The following GPATCH2 variants were observed in gnomAD, a reference collection of about 807,000 sequenced individuals.
GPATCH2 encodes the protein G-patch domain containing 2, also known as G patch domain-containing protein 2.
Under a neutral mutation model 58.0 loss-of-function variants are expected in GPATCH2, and 51 were observed. The ratio of observed to expected loss-of-function variants is 0.88; its 90% CI spans 0.70 to 1.11. The LOEUF is 1.11. GPATCH2 is among the 50% of genes most tolerant of loss of function. The pLI, the probability that GPATCH2 is intolerant of heterozygous loss-of-function variation, is 0.00. For missense variants in GPATCH2, 625 were observed against 652.2 expected (o/e 0.96, Z 0.45); for synonymous variants, 222 against 218.5 (o/e 1.02, Z -0.14).
At chr1:217,437,265 C>A (rs1000818965) in intron 9 of GPATCH2, among the ~76,000 whole-genome samples, 2 of 152,120 alleles carry the variant, frequency 1.3e-5, no homozygotes, top group Non-Finnish European at 2.9e-5. Flanking sequence ...CGGGTGCCTA[C>A]GCCACCAGGG....
chr1:217,610,651 G>A (rs1012205255), intron 4 of GPATCH2, among the ~76,000 whole-genome samples: 3 of 152,044 alleles, frequency 2.0e-5, no homozygotes, highest in African/African-American at 4.8e-5. Flanking sequence ...TCTTTTTTCC[G>A]AATTAACATT....
intron 5 of GPATCH2, among the ~76,000 whole-genome samples, chr1:217,561,763 T>G (rs1665936495): frequency 6.6e-6 from 1 of 152,128 alleles, no homozygotes; most frequent in Non-Finnish European, 1.5e-5. Context: ...CCTTGACAAG[T>G]GCAAGAAGTA....
intron 6 of GPATCH2, 50 bp from the exon 7 acceptor site, chr1:217,498,445 T>C (rs1425114596): frequency 2.9e-6 from 4 of 1,366,200 alleles, no homozygotes; most frequent in Non-Finnish European, 4.2e-6. Flanking sequence ...TAAAAGCACG[T>C]GCTCTCACAT....
intron 5 of GPATCH2, among the ~76,000 whole-genome samples, chr1:217,518,542 C>T (rs1663291255): frequency 6.6e-6 from 1 of 152,136 alleles, no homozygotes; most frequent in African/African-American, 2.4e-5. Flanking sequence ...GCATGCCATA[C>T]TATTCTTCCA....
intron 7 of GPATCH2, chr1:217,492,498 C>G (rs192436942): frequency 6.6e-6 from 1 of 152,026 alleles, no homozygotes; most frequent in Non-Finnish European, 1.5e-5. Flanking sequence ...TGGGCTAAAA[C>G]GAAGTTGTAC....
intron 5 of GPATCH2, among the ~76,000 whole-genome samples, chr1:217,557,770 C>A (rs144981451): frequency 5.8e-4 from 89 of 152,196 alleles, no homozygotes; most frequent in African/African-American, 2.1e-3. Flanking sequence ...TGTTCTGTTC[C>A]ACTTGTTTAT....
chr1:217,614,667 T>G (rs1417623543), intron 2 of GPATCH2, among the ~76,000 whole-genome samples: 6 of 151,504 alleles, frequency 4.0e-5, no homozygotes, highest in Non-Finnish European at 8.8e-5. Flanking sequence ...ACAAATATTC[T>G]GGAGAAGACA....
At chr1:217,561,794 C>T (rs886590495) in intron 5 of GPATCH2, among the ~76,000 whole-genome samples, 5 of 152,272 alleles carry the variant, frequency 3.3e-5, no homozygotes, top group African/African-American at 1.2e-4. Flanking sequence ...ATGGGGTACA[C>T]AGCTCACAGA....
intron 1 of GPATCH2, among the ~76,000 whole-genome samples, chr1:217,622,397 G>A (rs549213310): frequency 7.2e-4 from 109 of 152,166 alleles, no homozygotes; most frequent in Non-Finnish European, 1.0e-3. Flanking sequence ...TATTTCCATG[G>A]GCATTCTGAA....
intron 5 of GPATCH2, among the ~76,000 whole-genome samples, chr1:217,547,920 A>G (rs1419549588): frequency 2.0e-5 from 3 of 152,112 alleles, no homozygotes; most frequent in Non-Finnish European, 2.9e-5. Flanking sequence ...TGGTTGTCTG[A>G]AAGTGTGTGG....
At chr1:217,547,380 C>T (rs777634228) in intron 5 of GPATCH2, among the ~76,000 whole-genome samples, 6 of 151,872 alleles carry the variant, frequency 4.0e-5, no homozygotes, top group African/African-American at 9.7e-5. Context: ...TAACAGACGC[C>T]GGCAAGGTTG....
intron 5 of GPATCH2, among the ~76,000 whole-genome samples, chr1:217,543,120 C>A (rs536019123): frequency 6.6e-6 from 1 of 152,252 alleles, no homozygotes; most frequent in South Asian, 2.1e-4. Flanking sequence ...GAAGAAGAGA[C>A]AGATGCCTTA....
chr1:217,490,262 A>G (rs955278354), intron 8 of GPATCH2, among the ~76,000 whole-genome samples: 2 of 152,168 alleles, frequency 1.3e-5, no homozygotes, highest in East Asian at 3.9e-4. Context: ...ATTCCTTTGT[A>G]GATAATTTGC....
At chr1:217,615,381 C>T (rs1011789959) in intron 2 of GPATCH2, among the ~76,000 whole-genome samples, 11 of 152,036 alleles carry the variant, frequency 7.2e-5, no homozygotes, top group African/African-American at 2.7e-4. Context: ...GTACAAAGCT[C>T]CCTATATTGT....
At chr1:217,582,634 G>T (rs1450881954) in intron 5 of GPATCH2, among the ~76,000 whole-genome samples, 2 of 152,186 alleles carry the variant, frequency 1.3e-5, no homozygotes, top group Non-Finnish European at 1.5e-5. Flanking sequence ...ATGCTCAAAA[G>T]ATAATGCTTT....
chr1:217,432,203 A>G (rs1658574394), intron 9 of GPATCH2, among the ~76,000 whole-genome samples: 1 of 151,492 alleles, frequency 6.6e-6, no homozygotes. Flanking sequence ...GAAAAAGGAG[A>G]TTGGTTAGTG....
At chr1:217,461,580 T>A (rs1437529705) in intron 8 of GPATCH2, among the ~76,000 whole-genome samples, 2 of 152,210 alleles carry the variant, frequency 1.3e-5, no homozygotes, top group African/African-American at 2.4e-5. Context: ...AAGGCTTTTT[T>A]AAATTAGTAA....
intron 7 of GPATCH2, among the ~76,000 whole-genome samples, chr1:217,494,528 C>A (rs1005857850): frequency 1.3e-5 from 2 of 152,174 alleles, no homozygotes; most frequent in South Asian, 2.1e-4. Flanking sequence ...CACCTGAAGT[C>A]GGGAGTTCGA....
intron 5 of GPATCH2, among the ~76,000 whole-genome samples, chr1:217,578,369 C>A (rs1218822900): frequency 6.6e-6 from 1 of 152,098 alleles, no homozygotes; most frequent in African/African-American, 2.4e-5. Context: ...CCCACCTCAG[C>A]CTCCCTAAGT....
Sources: gnomAD v4.1 joint callset for allele counts (sites outside exome capture counted in the v4.1 genomes callset) on GRCh38, gnomAD v4.1.1 for gene constraint, MANE v1.5 for transcripts, NCBI Gene and HGNC (gene_info 2026-07-23, HGNC 2026-07-21) for gene names.